AKAP8L: variants seen among roughly 807,000 people sequenced by gnomAD.
AKAP8L encodes the protein A-kinase anchoring protein 8 like, also known as A-kinase anchor protein 8-like.
In AKAP8L, 34 loss-of-function variants were observed where a neutral mutation model predicts 77.5. The ratio of observed to expected loss-of-function variants is 0.44; its 90% CI spans 0.33 to 0.58. The LOEUF (loss-of-function observed/expected upper bound fraction) is 0.58, where lower values mean the gene tolerates loss of function less well. AKAP8L is among the 20% of genes least tolerant of loss of function. AKAP8L has a pLI of 0.02. For missense variants in AKAP8L, 806 were observed against 887.6 expected, an observed-to-expected ratio of 0.91 and a Z score of 1.17; for synonymous variants, 342 against 340.7, an observed-to-expected ratio of 1.00 and a Z score of -0.04.
intron 12 of AKAP8L, among the ~76,000 whole-genome samples, chr19:15,393,549 A>G (rs1201521005): frequency 1.3e-5 from 2 of 152,204 alleles, no homozygotes; most frequent in African/African-American, 4.8e-5. Flanking sequence ...AAAAGATGCC[A>G]TTAGTCAGTT....
chr19:15,412,445 T>C (rs1200990175), intron 1 of AKAP8L, among the ~76,000 whole-genome samples: 3 of 152,134 alleles, frequency 2.0e-5, no homozygotes, highest in African/African-American at 7.2e-5. Flanking sequence ...AACTTCTACC[T>C]CTATCAGAAA....
chr19:15,404,290 A>G (rs1967957205), intron 2 of AKAP8L: 1 of 510,120 alleles, frequency 2.0e-6, no homozygotes, highest in African/African-American at 1.9e-5. Flanking sequence ...TCAACTAAGG[A>G]ACTTGGCTCC....
In AKAP8L at chr19:15,384,302, GT is replaced by G. The variant is rs35204682; in HGVS notation, c.1537-3691del. ...CTCAAGCCTTTCTTCTTCCCTCCCT[GT>G]TTTTTTTTTTTTTGAGACGGAGTTT... On this transcript the variant is annotated intron_variant, in intron 12 of 13. Coordinates refer to ENST00000397410, the MANE Select transcript of AKAP8L (RefSeq NM_014371.4). 1.2e-4 allele frequency among the ~76,000 whole-genome samples: 17 copies of G among 137,970 alleles called. No homozygotes were observed. In the South Asian group the frequency reaches 1.4e-3, roughly 11 times the overall value. The allele number at this position is 137,970 out of a possible 152,430, so 90.5% of individuals were successfully genotyped here.
chr19:15,411,024 G>A (rs186809290), intron 1 of AKAP8L, among the ~76,000 whole-genome samples: 5 of 152,116 alleles, frequency 3.3e-5, no homozygotes, highest in African/African-American at 7.2e-5. Flanking sequence ...ATGTTGCCCT[G>A]GCTGGTCTTT....
chr19:15,389,248 AAAG>A (rs1184027602), intron 12 of AKAP8L, among the ~76,000 whole-genome samples: 3 of 151,502 alleles, frequency 2.0e-5, no homozygotes, highest in Admixed American at 1.3e-4. Context: ...AAAAAAAAAA[AAAG>A]AATTAGTGAA....
At chr19:15,395,845 G>A (rs1414721620) in intron 12 of AKAP8L, among the ~76,000 whole-genome samples, 1 of 144,052 alleles carries the variant, frequency 6.9e-6, no homozygotes, top group Non-Finnish European at 1.5e-5. Flanking sequence ...TTAGCCGGGC[G>A]TGGTAGCGGG....
chr19:15,404,164 G>A (rs1967954551), intron 2 of AKAP8L, 122 bp from the exon 3 acceptor site: 3 of 983,912 alleles, frequency 3.0e-6, no homozygotes, highest in East Asian at 2.4e-5. Flanking sequence ...CCCTAACCGA[G>A]AAGCCTTGAG....
In AKAP8L at chr19:15,401,682, A is replaced by G. The variant is rs757605718; in HGVS notation, c.363-79T>C. On this transcript the variant is annotated intron_variant, in intron 4 of 13. Coordinates refer to ENST00000397410, the MANE Select transcript of AKAP8L (RefSeq NM_014371.4). The surrounding 1 kb of genome is among the most constrained non-coding windows in gnomAD (Gnocchi z 6.2). ...CAGGCAACTGCTCCTGCCCTCCCCA[A>G]TCTCCCAGTCCAGCACCCACCCTGC... 129 of 1,171,134 alleles carry G rather than the reference A, an allele frequency of 1.1e-4. No individual in the cohort carries two copies. Among genetic ancestry groups the G allele is most frequent in the Admixed American group, 1.4e-4 (6 of 43,372 alleles). 72.5% of individuals were successfully genotyped at this position (1,171,134 alleles called of 1,614,324 possible).
intron 2 of AKAP8L, among the ~76,000 whole-genome samples, chr19:15,405,474 G>A (rs1218155801): frequency 6.6e-6 from 1 of 151,756 alleles, no homozygotes; most frequent in African/African-American, 2.4e-5. Flanking sequence ...AGTTTGCAGT[G>A]AGGTGAGATC....
At chr19:15,392,292 T>C (rs945124254) in intron 12 of AKAP8L, among the ~76,000 whole-genome samples, 8 of 152,084 alleles carry the variant, frequency 5.3e-5, no homozygotes, top group Admixed American at 1.3e-4. Context: ...GCCCAGGAGT[T>C]TGAGACCAGC....
At chr19:15,387,208 A>C (rs1240653513) in intron 12 of AKAP8L, among the ~76,000 whole-genome samples, 2 of 152,188 alleles carry the variant, frequency 1.3e-5, no homozygotes, top group Admixed American at 1.3e-4. Context: ...ACCTCCTCCC[A>C]TGTCTCTCCT....
At chr19:15,407,699 T>C (rs1468415763) in intron 2 of AKAP8L, among the ~76,000 whole-genome samples, 3 of 152,240 alleles carry the variant, frequency 2.0e-5, no homozygotes, top group Non-Finnish European at 4.4e-5. Flanking sequence ...ACAAAGTATG[T>C]GTAGGATCTG....
At chr19:15,389,050 T>TAA (rs71176409) in intron 12 of AKAP8L, among the ~76,000 whole-genome samples, 1 of 114,828 alleles carries the variant, frequency 8.7e-6, no homozygotes, top group Non-Finnish European at 1.8e-5. Flanking sequence ...CCATCTCTAC[T>TAA]AAAAAAAAAA....
Position 15,410,520 on chromosome 19 carries a change from C to A in AKAP8L, c.88G>T (p.Gly30Ter), listed in dbSNP as rs1465962792. The A allele has an allele frequency of 1.3e-6, 2 of 1,575,742 alleles. No homozygotes were observed. Among genetic ancestry groups the A allele is most frequent in the Non-Finnish European group, 1.7e-6 (2 of 1,160,320 alleles). ...DTSAQPTCDY[G>*]YGTWNSGTNR... ...GTTCCCACCAGAAGTCCACACTTAC[C>A]ATAATCACAGGTGGGCTGAGCGCTG... Residue 30 changes from glycine (G) to a stop codon, truncating the protein, a stop_gained and splice_region_variant, in exon 2 of 14, where the codon GGA becomes TGA. Transcript: ENST00000397410. LOFTEE classifies it high-confidence loss of function.
intron 4 of AKAP8L, among the ~76,000 whole-genome samples, chr19:15,402,295 C>T (rs1203924318): frequency 6.6e-6 from 1 of 152,138 alleles, no homozygotes; most frequent in Non-Finnish European, 1.5e-5. Flanking sequence ...CAGAGGGCAC[C>T]GCAGAGAGCT....
At chr19:15,405,211 G>C (rs1383447441) in intron 2 of AKAP8L, among the ~76,000 whole-genome samples, 1 of 152,192 alleles carries the variant, frequency 6.6e-6, no homozygotes, top group Non-Finnish European at 1.5e-5. Flanking sequence ...ATTCTAAGAG[G>C]CAAGAGAGGC....
intron 1 of AKAP8L, among the ~76,000 whole-genome samples, chr19:15,412,752 C>T (rs973644643): frequency 6.6e-6 from 1 of 152,198 alleles, no homozygotes; most frequent in African/African-American, 2.4e-5. Context: ...CCATGTTAGC[C>T]AGGATGGTCT....
chr19:15,404,900 A>C (rs1420328503), intron 2 of AKAP8L, among the ~76,000 whole-genome samples: 1 of 152,268 alleles, frequency 6.6e-6, no homozygotes, highest in East Asian at 1.9e-4. Context: ...GTCGTCCTGC[A>C]CTTGGGTTCC....
Position 15,398,040 on chromosome 19 carries a change from G to C in AKAP8L, c.1158-185C>G. 1 of 670,898 alleles carries C rather than the reference G, an allele frequency of 1.5e-6. No homozygotes were observed. Among genetic ancestry groups the C allele is most frequent in the Non-Finnish European group, 2.5e-6 (1 of 402,086 alleles). 41.6% of individuals were successfully genotyped at this position (670,898 alleles called of 1,614,324 possible). Reference sequence around the variant, plus strand: ...AGTAGAAAGGGCCAGAAAGTCTGCAGGCTGCAGTTACTGCAACGTAGGGGA... The same window carrying C: ...AGTAGAAAGGGCCAGAAAGTCTGCACGCTGCAGTTACTGCAACGTAGGGGA... On this transcript the variant is annotated intron_variant, in intron 9 of 13. Coordinates refer to ENST00000397410, the MANE Select transcript of AKAP8L (RefSeq NM_014371.4). This position sits in a 1 kb window ranked among gnomAD's most constrained non-coding sequence, Gnocchi z 9.2.
Sources: allele counts gnomAD v4.1 joint callset (sites outside exome capture counted in the v4.1 genomes callset), GRCh38; gene constraint gnomAD v4.1.1; non-coding constraint Gnocchi (gnomAD v3.1); transcripts MANE v1.5; gene names NCBI Gene and HGNC (gene_info 2026-07-23, HGNC 2026-07-21).